KLHL32: variants seen among roughly 807,000 people sequenced by gnomAD.
KLHL32 encodes kelch like family member 32.
Under a neutral mutation model 64.8 loss-of-function variants are expected in KLHL32, and 35 were observed. The ratio of observed to expected loss-of-function variants is 0.54; its 90% CI spans 0.41 to 0.72. KLHL32 has a LOEUF of 0.72. KLHL32 is among the 30% of genes least tolerant of loss of function. The pLI is 0.00. For missense variants in KLHL32, 589 were observed against 768.5 expected (o/e 0.77, Z 2.76); for synonymous variants, 259 against 281.0 (o/e 0.92, Z 0.78).
At chr6:96,975,531 G>A (rs1023172231) in intron 2 of KLHL32, among the ~76,000 whole-genome samples, 1 of 152,108 alleles carries the variant, frequency 6.6e-6, no homozygotes. Flanking sequence ...GTGTCCTGTG[G>A]GAGACATGGT....
chr6:96,941,591 T>C (rs538346325), intron 1 of KLHL32, among the ~76,000 whole-genome samples: 96 of 152,258 alleles, frequency 6.3e-4, no homozygotes, highest in Middle Eastern at 3.4e-3. Context: ...CAAAAAACAA[T>C]CAAGGTAAGA....
At chr6:96,983,914 T>C (rs1458569226) in intron 3 of KLHL32, among the ~76,000 whole-genome samples, 1 of 152,218 alleles carries the variant, frequency 6.6e-6, no homozygotes, top group Non-Finnish European at 1.5e-5. Flanking sequence ...TTTCTTGCCT[T>C]CTGCTAGCTT....
chr6:96,940,244 C>A (rs1771121808), intron 1 of KLHL32, among the ~76,000 whole-genome samples: 3 of 151,830 alleles, frequency 2.0e-5, no homozygotes, highest in African/African-American at 7.3e-5. Context: ...AACATTGGAC[C>A]CATAATATGA....
chr6:97,030,764 C>T (rs1053297873), intron 3 of KLHL32, among the ~76,000 whole-genome samples: 6 of 152,194 alleles, frequency 3.9e-5, no homozygotes, highest in African/African-American at 1.4e-4. Context: ...TGCTCTTTCT[C>T]TTTAGTTACG....
chr6:96,915,138 C>T, the KLHL32 span: 1 of 152,094 alleles, frequency 6.6e-6, no homozygotes, highest in African/African-American at 2.4e-5. Flanking sequence ...ATTATTTTGC[C>T]TCAACTTTTT....
intron 3 of KLHL32, among the ~76,000 whole-genome samples, chr6:97,001,879 A>G (rs529345095): frequency 7.2e-5 from 11 of 152,322 alleles, no homozygotes; most frequent in African/African-American, 2.6e-4. Flanking sequence ...AGACGTATGT[A>G]TATGCCTAAG....
the KLHL32 span, among the ~76,000 whole-genome samples, chr6:96,919,136 G>A: frequency 9.2e-5 from 14 of 152,244 alleles, no homozygotes; most frequent in Admixed American, 7.8e-4. Flanking sequence ...AGTTATTTGG[G>A]TTCCTGGCTT....
intron 6 of KLHL32, among the ~76,000 whole-genome samples, chr6:97,094,379 A>G (rs1794676199): frequency 6.6e-6 from 1 of 152,220 alleles, no homozygotes; most frequent in Non-Finnish European, 1.5e-5. Context: ...CTTCCTTAGA[A>G]GTGCTTCTCC....
chr6:97,127,276 C>A, intron 7 of KLHL32, 128 bp from the exon 8 acceptor site: 1 of 704,642 alleles, frequency 1.4e-6, no homozygotes, highest in East Asian at 2.6e-5. Context: ...ATGTCATGGG[C>A]TCACCATGAG....
At chr6:97,093,827 G>A (rs184248586) in intron 6 of KLHL32, among the ~76,000 whole-genome samples, 6 of 152,266 alleles carry the variant, frequency 3.9e-5, no homozygotes, top group East Asian at 1.9e-4. Context: ...AATGAAAGCC[G>A]ATAAGGGAGG....
At chr6:97,001,992 A>G (rs1449436902) in intron 3 of KLHL32, among the ~76,000 whole-genome samples, 1 of 152,226 alleles carries the variant, frequency 6.6e-6, no homozygotes, top group Non-Finnish European at 1.5e-5. Context: ...AGATAGATAG[A>G]TAACTCTACT....
At chr6:96,908,059 A>G in the KLHL32 span, among the ~76,000 whole-genome samples, 1 of 152,238 alleles carries the variant, frequency 6.6e-6, no homozygotes, top group African/African-American at 2.4e-5. Context: ...CGTGCTTGAC[A>G]TTGTACTCCT....
At chr6:97,035,074 G>T (rs1306518535) in intron 3 of KLHL32, among the ~76,000 whole-genome samples, 1 of 151,782 alleles carries the variant, frequency 6.6e-6, no homozygotes, top group East Asian at 1.9e-4. Flanking sequence ...ATCTTCCTTT[G>T]TTATCTGATT....
intron 3 of KLHL32, among the ~76,000 whole-genome samples, chr6:97,012,285 A>G (rs1017454531): frequency 2.6e-5 from 4 of 152,226 alleles, no homozygotes; most frequent in Non-Finnish European, 5.9e-5. Flanking sequence ...GCTGGACCCA[A>G]TGTAACCACA....
At chr6:97,041,320 A>T (rs1335142515) in intron 3 of KLHL32, among the ~76,000 whole-genome samples, 172 bp from the exon 4 acceptor site, 1 of 152,272 alleles carries the variant, frequency 6.6e-6, no homozygotes, top group Non-Finnish European at 1.5e-5. Flanking sequence ...CTGTTCAGAC[A>T]TCAAAATGAT....
chr6:97,002,458 A>G (rs1223652267), intron 3 of KLHL32, among the ~76,000 whole-genome samples: 1 of 152,162 alleles, frequency 6.6e-6, no homozygotes, highest in Non-Finnish European at 1.5e-5. Flanking sequence ...TGAAGAACCC[A>G]TATTTTTGTT....
intron 5 of KLHL32, among the ~76,000 whole-genome samples, chr6:97,067,320 A>G (rs907030490): frequency 6.6e-6 from 1 of 152,214 alleles, no homozygotes; most frequent in Non-Finnish European, 1.5e-5. Flanking sequence ...TGGCAGGAGC[A>G]GTGCTCCTCT....
At chr6:96,935,710 G>A (rs1770512588) in intron 1 of KLHL32, among the ~76,000 whole-genome samples, 1 of 152,150 alleles carries the variant, frequency 6.6e-6, no homozygotes, top group South Asian at 2.1e-4. Context: ...GATAATGACT[G>A]CATAGAGAAG....
chr6:97,043,147 G>A (rs1306384154), intron 4 of KLHL32, among the ~76,000 whole-genome samples: 1 of 152,160 alleles, frequency 6.6e-6, no homozygotes, highest in Non-Finnish European at 1.5e-5. Flanking sequence ...AGAACCATAA[G>A]CCAAATAAAC....
Sources: allele counts gnomAD v4.1 joint callset (sites outside exome capture counted in the v4.1 genomes callset), GRCh38; gene constraint gnomAD v4.1.1; transcripts MANE v1.5; gene names NCBI Gene and HGNC (gene_info 2026-07-23, HGNC 2026-07-21).